Variants in NIBAN2 observed in about 807,000 individuals in gnomAD.
The protein encoded by NIBAN2 is niban apoptosis regulator 2.
Under a neutral mutation model 81.8 loss-of-function variants are expected in NIBAN2, and 36 were observed. The ratio of observed to expected loss-of-function variants is 0.44; its 90% confidence interval spans 0.34 to 0.58. The LOEUF (loss-of-function observed/expected upper bound fraction) is 0.58. NIBAN2 is among the 20% of genes least tolerant of loss of function. NIBAN2 has a pLI of 0.02. For missense variants in NIBAN2, 897 were observed against 1,014.1 expected (o/e 0.88, Z 1.57); for synonymous variants, 445 against 441.6 (o/e 1.01, Z -0.10).
chr9:127,511,186 AGGTGTGCACCACCATGCCC>A (rs77047994), intron 8 of NIBAN2, among the ~76,000 whole-genome samples: 3,372 of 152,170 alleles, frequency 0.022, 58 homozygotes, highest in Non-Finnish European at 0.034. Flanking sequence ...CTGGGATTAC[AGGTGTGCACCACCATGCCC>A]GGTGATTTTT....
chr9:127,521,755 C>T (rs1180317153), intron 5 of NIBAN2, among the ~76,000 whole-genome samples: 1 of 152,190 alleles, frequency 6.6e-6, no homozygotes, highest in African/African-American at 2.4e-5. Flanking sequence ...CCCCTTCATT[C>T]CCTGGCCCAG....
intron 1 of NIBAN2, among the ~76,000 whole-genome samples, chr9:127,561,464 A>T (rs1837773000): frequency 1.3e-5 from 2 of 152,154 alleles, no homozygotes; most frequent in Non-Finnish European, 2.9e-5. Context: ...AGGGGACTTG[A>T]CCTTCATACC....
At chr9:127,565,729 G>A (rs1244122077) in intron 1 of NIBAN2, among the ~76,000 whole-genome samples, 1 of 149,600 alleles carries the variant, frequency 6.7e-6, no homozygotes, top group African/African-American at 2.5e-5. Context: ...GTTGCAGTGG[G>A]CTGAGATTGT....
chr9:127,517,908 G>C lies in NIBAN2; in HGVS notation c.623C>G (p.Ala208Gly), dbSNP rs758013461. The change falls in exon 6 of 14, where the codon GCG (alanine) becomes GGG (glycine). Residue 208 changes from alanine (A) to glycine (G), a missense_variant. By Grantham distance (60) the Ala-to-Gly change is moderately conservative. Around this residue, in one of 3 missense-constraint regions of NIBAN2, gnomAD observed 69 missense variants for 114.7 expected, o/e 0.60. Transcript: ENST00000373312. This position sits in a 1 kb window ranked among gnomAD's most constrained non-coding sequence, Gnocchi z 4.0. ...IPEDSKVEGP[A>G]FTDAIRMYRQ... ...GTACATGCGGATGGCATCTGTGAAC[G>C]CAGGGCCCTCTACCTTGGAGTCCTC... 10 of 1,612,008 alleles carry C rather than the reference G, an allele frequency of 6.2e-6. No homozygotes were observed. Among genetic ancestry groups the C allele is most frequent in the Non-Finnish European group, 7.6e-6 (9 of 1,179,016 alleles).
Position 127,517,365 on chromosome 9 carries a change from G to C in NIBAN2, c.706-149C>G, listed in dbSNP as rs186496257. The C allele has an allele frequency of 4.5e-6, 3 of 666,486 alleles. No homozygotes were observed. The highest frequency in any genetic ancestry group is 7.7e-6 in the Non-Finnish European group (3 of 387,370). 41.3% of individuals were successfully genotyped at this position (666,486 alleles called of 1,614,324 possible). A position where few individuals can be genotyped will look rare whatever the true frequency, so the allele number is the denominator to read the frequency against. On this transcript the variant is annotated intron_variant, in intron 6 of 13. Transcript: ENST00000373312. This position sits in a 1 kb window ranked among gnomAD's most constrained non-coding sequence, Gnocchi z 4.0. The stretch of plus-strand genomic sequence containing the variant: ...CACCCTCCCTGCTGCCCTCTCTCCT[G>C]AGCTCCATTCCCACAGGTCCCAACT...
rs111772036 is a variant in NIBAN2, at chr9:127,545,535, G to C, written c.56-13757C>G. On this transcript the variant is annotated intron_variant, in intron 1 of 13. Coordinates refer to ENST00000373312, the MANE Select transcript of NIBAN2 (RefSeq NM_022833.4). This position sits in a 1 kb window ranked among gnomAD's most constrained non-coding sequence, Gnocchi z 4.7. ...CTCAGTCTGAGGGCACAGGCCGTCTGGGTCTCATCACAGAGGCAGGTCAGG... is the reference window on the plus strand; with the variant it reads ...CTCAGTCTGAGGGCACAGGCCGTCTCGGTCTCATCACAGAGGCAGGTCAGG... 1.3e-5 allele frequency among the ~76,000 whole-genome samples: 2 copies of C among 152,318 alleles called. No homozygotes were observed. The highest frequency in any genetic ancestry group is 6.5e-5 in the Admixed American group (1 of 15,290).
At chr9:127,540,189 G>A (rs572201870) in intron 1 of NIBAN2, among the ~76,000 whole-genome samples, 7 of 152,296 alleles carry the variant, frequency 4.6e-5, no homozygotes, top group African/African-American at 1.4e-4. Context: ...TTTCCAAACT[G>A]ACAACGTTAA....
intron 1 of NIBAN2, among the ~76,000 whole-genome samples, chr9:127,534,087 C>T (rs571421927): frequency 1.3e-5 from 2 of 152,342 alleles, no homozygotes; most frequent in African/African-American, 2.4e-5. Context: ...TCCTAAGAAG[C>T]TGCAGCTCGC....
At chr9:127,576,537 C>T (rs1291415605) in intron 1 of NIBAN2, among the ~76,000 whole-genome samples, 1 of 152,124 alleles carries the variant, frequency 6.6e-6, no homozygotes, top group Non-Finnish European at 1.5e-5. Flanking sequence ...TTTATAGCTT[C>T]TGCCTCATTG....
chr9:127,568,134 G>T (rs1231050015), intron 1 of NIBAN2, among the ~76,000 whole-genome samples: 1 of 152,236 alleles, frequency 6.6e-6, no homozygotes, highest in African/African-American at 2.4e-5. Flanking sequence ...GAGTAGGGTT[G>T]GCTGAAGAAC....
chr9:127,515,177 G>C (rs1290624243), intron 8 of NIBAN2, among the ~76,000 whole-genome samples: 1 of 152,102 alleles, frequency 6.6e-6, no homozygotes, highest in Non-Finnish European at 1.5e-5. Flanking sequence ...AACCATGATT[G>C]TACCACTGCT....
At chr9:127,551,085 G>A (rs531468806) in intron 1 of NIBAN2, among the ~76,000 whole-genome samples, 2 of 152,220 alleles carry the variant, frequency 1.3e-5, no homozygotes, top group South Asian at 2.1e-4. Flanking sequence ...CAGATGGAAC[G>A]GCACTTTGAA....
At chr9:127,516,491 G>C (rs1042896231) in intron 8 of NIBAN2, among the ~76,000 whole-genome samples, 8 of 152,212 alleles carry the variant, frequency 5.3e-5, no homozygotes, top group African/African-American at 1.9e-4. Flanking sequence ...GGAGGTTGTG[G>C]TGAGCTGAGA....
chr9:127,510,374 G>GA, intron 8 of NIBAN2, 41 bp from the exon 9 acceptor site: 1 of 1,525,186 alleles, frequency 6.6e-7, no homozygotes, highest in Non-Finnish European at 8.9e-7. Flanking sequence ...GCTCCCCAAG[G>GA]AGCACCTCCC....
intron 1 of NIBAN2, among the ~76,000 whole-genome samples, chr9:127,550,476 G>C (rs1304026311): frequency 6.6e-6 from 1 of 152,206 alleles, no homozygotes; most frequent in Non-Finnish European, 1.5e-5. Flanking sequence ...ATTTGCCCTA[G>C]GAGGGCAGGG....
chr9:127,531,500 A>G (rs539681769), intron 2 of NIBAN2, 148 bp downstream of exon 2: 1 of 622,352 alleles, frequency 1.6e-6, no homozygotes, highest in African/African-American at 1.9e-5. Flanking sequence ...GAAAAAAATA[A>G]TTAATTTTAA....
intron 2 of NIBAN2, among the ~76,000 whole-genome samples, chr9:127,530,109 G>A (rs1045563422): frequency 2.6e-5 from 4 of 152,192 alleles, no homozygotes; most frequent in Non-Finnish European, 4.4e-5. Context: ...CCTGGGCTGC[G>A]TCCAAGGCCT....
In NIBAN2 at chr9:127,527,179, G is replaced by C; in HGVS notation, c.315+15C>G. ...AGCGGGGAGGCTCAGTGTGGCGCCC[G>C]GGGCCAGGCCTCACCGCTTTGTTTT... On this transcript the variant is annotated intron_variant, in intron 3 of 13. Transcript: ENST00000373312. 1 of 1,611,508 alleles carries C rather than the reference G, an allele frequency of 6.2e-7. No homozygotes were observed. The highest frequency in any genetic ancestry group is 8.5e-7 in the Non-Finnish European group (1 of 1,179,794).
upstream of NIBAN2, among the ~76,000 whole-genome samples, chr9:127,569,526 TC>T (rs1837921620): frequency 6.6e-6 from 1 of 151,326 alleles, no homozygotes; most frequent in African/African-American, 2.4e-5. Flanking sequence ...GGGAAAAGAA[TC>T]GCGCCGAGGA....
Sources: allele counts gnomAD v4.1 joint callset (sites outside exome capture counted in the v4.1 genomes callset), GRCh38; gene constraint gnomAD v4.1.1; regional missense constraint gnomAD v4.1.1; non-coding constraint Gnocchi (gnomAD v3.1); transcripts MANE v1.5; gene names NCBI Gene and HGNC (gene_info 2026-07-23, HGNC 2026-07-21).